HOOK1: variants seen among roughly 807,000 people sequenced by gnomAD.
HOOK1 encodes hook microtubule tethering protein 1, also known as protein Hook homolog 1.
Under a neutral mutation model 112.8 loss-of-function variants are expected in HOOK1, and 60 were observed. That is an observed-to-expected ratio of 0.53 (90% CI 0.43 to 0.66). The LOEUF is 0.66. Ranked by LOEUF, HOOK1 falls within the 30% of genes least tolerant of loss-of-function variation. HOOK1 has a pLI of 0.00. For missense variants in HOOK1, 770 were observed against 856.0 expected (o/e 0.90, Z 1.25); for synonymous variants, 294 against 283.8 (o/e 1.04, Z -0.36).
chr1:59,835,642 C>G (rs1030572620), intron 6 of HOOK1, among the ~76,000 whole-genome samples: 1 of 152,092 alleles, frequency 6.6e-6, no homozygotes, highest in South Asian at 2.1e-4. Context: ...ATTATCAAGT[C>G]TCTTTAAATC....
intron 3 of HOOK1, among the ~76,000 whole-genome samples, chr1:59,830,449 T>A (rs1408414982): frequency 6.6e-6 from 1 of 152,184 alleles, no homozygotes; most frequent in Middle Eastern, 3.2e-3. Flanking sequence ...TGCTTTTCTT[T>A]ATCCCTGGTA....
At chr1:59,855,985 T>TATATATATATA in intron 12 of HOOK1, among the ~76,000 whole-genome samples, 1 of 71,138 alleles carries the variant, frequency 1.4e-5, no homozygotes, top group African/African-American at 6.6e-5. Flanking sequence ...TATATATATA[T>TATATATATATA]TTTTTTTTTT....
At chr1:59,866,505 G>A (rs1388874604) in intron 19 of HOOK1, among the ~76,000 whole-genome samples, 1 of 152,128 alleles carries the variant, frequency 6.6e-6, no homozygotes, top group Non-Finnish European at 1.5e-5. Flanking sequence ...TCATAAATGG[G>A]GAAGGGGCAC....
chr1:59,864,184 A>T (rs1643915992), intron 16 of HOOK1, among the ~76,000 whole-genome samples: 1 of 151,934 alleles, frequency 6.6e-6, no homozygotes. Context: ...ATTTACAACT[A>T]TAATAAAATT....
At chr1:59,849,255 T>A in intron 12 of HOOK1, 72 bp downstream of exon 12, 2 of 994,318 alleles carry the variant, frequency 2.0e-6, no homozygotes, top group Non-Finnish European at 3.0e-6. Context: ...GCTGTTTCTA[T>A]AATCGTGGTG....
At chr1:59,817,648 C>T (rs995092657) in intron 1 of HOOK1, among the ~76,000 whole-genome samples, 2 of 152,202 alleles carry the variant, frequency 1.3e-5, no homozygotes, top group African/African-American at 4.8e-5. Context: ...TGTTTTAATG[C>T]ATCAGGGATT....
At chr1:59,852,392 T>G (rs1164440717) in intron 12 of HOOK1, among the ~76,000 whole-genome samples, 1 of 151,778 alleles carries the variant, frequency 6.6e-6, no homozygotes, top group African/African-American at 2.4e-5. Context: ...TTTCTAGAGA[T>G]TTGTCAATTT....
intron 6 of HOOK1, among the ~76,000 whole-genome samples, chr1:59,836,405 A>ATCCC (rs917717090): frequency 9.1e-4 from 139 of 152,340 alleles, no homozygotes; most frequent in African/African-American, 3.2e-3. Context: ...GATTCAGAGT[A>ATCCC]TCCCTGTACA....
chr1:59,843,457 A>C lies in HOOK1; in HGVS notation c.647A>C (p.Asn216Thr). The change falls in exon 9 of 22, where the codon AAT becomes ACT. Residue 216 changes from asparagine (N) to threonine (T), a missense_variant. Around this residue, in one of 3 missense-constraint regions of HOOK1, gnomAD observed 655 missense variants for 725.9 expected, o/e 0.90. Transcript: ENST00000371208. ...GTGACTACACTTCAAGATGAAAAGA[A>C]TTCACTGGTTTCTGAAAATGAGATG... ...MQVTTLQDEK[N>T]SLVSENEMMN... The C allele has an allele frequency of 6.2e-7, 1 of 1,610,804 alleles. No homozygotes were observed. The highest frequency in any genetic ancestry group is 8.5e-7 in the Non-Finnish European group (1 of 1,178,390).
At position 59,814,957 on chromosome 1, in the gene HOOK1, G is replaced by A. The variant is rs1048443139; in HGVS notation, c.-161G>A. 6.1e-6 allele frequency: 4 copies of A among 658,682 alleles called. No individual in the cohort carries two copies. The highest frequency in any genetic ancestry group is 1.9e-5 in the South Asian group (1 of 52,744). The allele number at this position is 658,682 out of a possible 1,614,324, so 40.8% of individuals were successfully genotyped here. The stretch of plus-strand genomic sequence containing the variant: ...GGGCGGGTGAGGAGGGGGTGACGCC[G>A]GACGCGTCGACAGCGCGAGGGTTCG... On this transcript the variant is annotated 5_prime_UTR_variant, in exon 1 of 22. Transcript: ENST00000371208.
chr1:59,859,973 G>A (rs1460648462), intron 14 of HOOK1, among the ~76,000 whole-genome samples: 1 of 151,702 alleles, frequency 6.6e-6, no homozygotes, highest in Non-Finnish European at 1.5e-5. Context: ...TTTTTTTAAA[G>A]GCACAGTCTT....
chr1:59,854,070 G>T (rs1175747386), intron 12 of HOOK1, among the ~76,000 whole-genome samples: 1 of 8,926 alleles, frequency 1.1e-4, no homozygotes, highest in Non-Finnish European at 2.0e-4. Context: ...TTTTTTTTTT[G>T]AGACGGAGTC....
chr1:59,833,309 T>G, intron 4 of HOOK1, 96 bp from the exon 5 acceptor site: 2 of 909,852 alleles, frequency 2.2e-6, no homozygotes, highest in Non-Finnish European at 3.1e-6. Context: ...CTGAGTTGTT[T>G]CGTGAATTTA....
At chr1:59,847,530 G>A (rs769620682) in intron 10 of HOOK1, among the ~76,000 whole-genome samples, 1 of 151,532 alleles carries the variant, frequency 6.6e-6, no homozygotes, top group Non-Finnish European at 1.5e-5. Flanking sequence ...AAATTTTTGT[G>A]TAAGGAAATG....
intron 3 of HOOK1, among the ~76,000 whole-genome samples, chr1:59,830,915 T>C (rs77085640): frequency 2.0e-5 from 3 of 151,604 alleles, no homozygotes; most frequent in Non-Finnish European, 2.9e-5. Flanking sequence ...TTTTTTTTTT[T>C]CCTGAGACAG....
chr1:59,865,196 G>A lies in HOOK1; in HGVS notation c.1695G>A (p.Gln565=), dbSNP rs1170667774. Residue 565 remains glutamine, a synonymous_variant, in exon 18 of 22, where the codon CAG becomes CAA. Coordinates refer to ENST00000371208, the MANE Select transcript of HOOK1 (RefSeq NM_015888.6). ...TCACAGAGGTCCATGAAGAATTACA[G>A]AAGAAACAAGAACTCATTGAAGATC... ...EKLTEVHEEL[Q]KKQELIEDLQ... 6.2e-7 allele frequency: 1 copy of A among 1,609,228 alleles called. No individual in the cohort carries two copies. Among genetic ancestry groups the A allele is most frequent in the South Asian group, 1.1e-5 (1 of 90,934 alleles).
intron 12 of HOOK1, 76 bp downstream of exon 12, chr1:59,849,259 C>T (rs1007661920): frequency 3.3e-6 from 3 of 910,008 alleles, no homozygotes; most frequent in South Asian, 1.8e-5. Context: ...TTTCTATAAT[C>T]GTGGTGATGT....
intron 3 of HOOK1, among the ~76,000 whole-genome samples, chr1:59,829,376 A>G (rs111281824): frequency 9.4e-4 from 143 of 152,250 alleles, no homozygotes; most frequent in African/African-American, 3.2e-3. Flanking sequence ...TTCATATATG[A>G]ATCTTTGGAT....
In HOOK1 at chr1:59,818,107, G is replaced by A. The variant is rs532950060; in HGVS notation, c.63+2927G>A. Reference sequence around the variant, plus strand: ...GTTGGATTTCAGCAAGTAGAAATCAGTGGAAATTAGTTCTCCAGACACAGG... The same window carrying A: ...GTTGGATTTCAGCAAGTAGAAATCAATGGAAATTAGTTCTCCAGACACAGG... On this transcript the variant is annotated intron_variant, in intron 1 of 21. Transcript: ENST00000371208. Among the ~76,000 whole-genome samples the A allele has an allele frequency of 2.2e-4, 34 of 152,314 alleles. No homozygotes were observed. In the South Asian group the frequency reaches 5.8e-3, roughly 26 times the overall value.
Sources: allele counts gnomAD v4.1 joint callset (sites outside exome capture counted in the v4.1 genomes callset), GRCh38; gene constraint gnomAD v4.1.1; regional missense constraint gnomAD v4.1.1; transcripts MANE v1.5; gene names NCBI Gene and HGNC (gene_info 2026-07-23, HGNC 2026-07-21).